PSMD8: variants seen among roughly 807,000 people sequenced by gnomAD.
PSMD8 encodes the protein proteasome 26S subunit, non-ATPase 8, also known as 26S proteasome non-ATPase regulatory subunit 8.
Under a neutral mutation model 40.0 loss-of-function variants are expected in PSMD8, and 30 were observed. The ratio of observed to expected loss-of-function variants is 0.75; its 90% CI spans 0.56 to 1.02. The LOEUF is 1.02. Ranked by LOEUF, PSMD8 falls within the 50% of genes least tolerant of loss-of-function variation. The pLI is 0.00. For synonymous variants in PSMD8, 208 were observed against 192.5 expected, an observed-to-expected ratio of 1.08 and a Z score of -0.67; for missense variants, 461 against 463.9, an observed-to-expected ratio of 0.99 and a Z score of 0.06.
At chr19:38,378,003 C>T (rs1970611155) in intron 3 of PSMD8, among the ~76,000 whole-genome samples, 1 of 152,184 alleles carries the variant, frequency 6.6e-6, no homozygotes, top group Admixed American at 6.5e-5. Flanking sequence ...TTGTTCTAAT[C>T]ACCTTACCTG....
intron 3 of PSMD8, among the ~76,000 whole-genome samples, chr19:38,377,365 A>AT (rs1458458394): frequency 2.0e-5 from 3 of 151,730 alleles, no homozygotes; most frequent in Non-Finnish European, 4.4e-5. Context: ...TTTTATTTTA[A>AT]TTTTTTGTAG....
chr19:38,377,212 A>G (rs1263562252), intron 3 of PSMD8, among the ~76,000 whole-genome samples: 2 of 152,196 alleles, frequency 1.3e-5, no homozygotes, highest in East Asian at 3.8e-4. Context: ...TTTTGGAGAC[A>G]GGGTCTTGCT....
Position 38,374,660 on chromosome 19 carries a change from G to A in PSMD8, c.59G>A (p.Arg20Gln), listed in dbSNP as rs888145013. 5 of 1,521,132 alleles carry A rather than the reference G, an allele frequency of 3.3e-6. No individual in the cohort carries two copies. Among genetic ancestry groups the A allele is most frequent in the East Asian group, 4.9e-5 (2 of 40,810 alleles). The allele number at this position is 1,521,132 out of a possible 1,614,324, so 94.2% of individuals were successfully genotyped here. A position where few individuals can be genotyped will look rare whatever the true frequency, so the allele number is the denominator to read the frequency against. ...CCTCGAGAGCGACGGCGGGCTACCCGGGGCGGGCTGAGGCAGGTTGTAGCC... is the reference window on the plus strand; with the variant it reads ...CCTCGAGAGCGACGGCGGGCTACCCAGGGCGGGCTGAGGCAGGTTGTAGCC... ...APPRERRRAT[R>Q]GGLRQVVAPP... Residue 20 changes from arginine to glutamine, a missense_variant, in exon 1 of 7, where the codon CGG becomes CAG. Physicochemically the swap from Arg to Gln is conservative, Grantham distance 43 (BLOSUM62 1). Coordinates refer to ENST00000215071, the MANE Select transcript of PSMD8 (RefSeq NM_002812.5).
intron 5 of PSMD8, 42 bp from the exon 6 acceptor site, chr19:38,382,075 T>C: frequency 6.9e-7 from 1 of 1,441,092 alleles, no homozygotes; most frequent in Non-Finnish European, 9.5e-7. Context: ...TCCTGGGAGG[T>C]TGTTGATGCT....
rs1970662955 is a variant in PSMD8, at chr19:38,383,663, T to C, written c.*273T>C. ...CCACTGTGGGGCCCCAGCAGCACTG[T>C]GGCCTGCAGGAGGGCATGGCCCCAG... On this transcript the variant is annotated 3_prime_UTR_variant, in exon 7 of 7. Transcript: ENST00000215071. The C allele has an allele frequency of 2.1e-6, 1 of 484,200 alleles. No homozygotes were observed. The highest frequency in any genetic ancestry group is 3.8e-6 in the Non-Finnish European group (1 of 265,206). 30.0% of individuals were successfully genotyped at this position (484,200 alleles called of 1,614,324 possible).
At chr19:38,380,723 T>TGTGTGTGTGCGCGCACGTGCGCGC (rs575195574) in intron 4 of PSMD8, among the ~76,000 whole-genome samples, 176 bp from the exon 5 acceptor site, 1 of 143,896 alleles carries the variant, frequency 6.9e-6, no homozygotes, top group East Asian at 2.2e-4. Context: ...TGTGTGTGTG[T>TGTGTGTGTGCGCGCACGTGCGCGC]GTGTGTGCGC....
intron 3 of PSMD8, among the ~76,000 whole-genome samples, chr19:38,378,507 CAAAAAAAAAA>C: frequency 1.4e-5 from 1 of 71,768 alleles, no homozygotes; most frequent in East Asian, 4.2e-4. Flanking sequence ...GACTCCGTCT[CAAAAAAAAAA>C]AAAAAAAAAT....
At position 38,383,501 on chromosome 19, in the gene PSMD8, C is replaced by A; in HGVS notation, c.*111C>A. On this transcript the variant is annotated 3_prime_UTR_variant, in exon 7 of 7. Coordinates refer to ENST00000215071, the MANE Select transcript of PSMD8 (RefSeq NM_002812.5). Reference sequence around the variant, plus strand: ...TTCCCTCTTCCAGGCCCTTGTCTCCCCAGTTGGGACGGCAGAGAGACAAGT... The same window carrying A: ...TTCCCTCTTCCAGGCCCTTGTCTCCACAGTTGGGACGGCAGAGAGACAAGT... The A allele has an allele frequency of 7.1e-7, 1 of 1,413,538 alleles. No individual in the cohort carries two copies. Among genetic ancestry groups the A allele is most frequent in the East Asian group, 2.4e-5 (1 of 41,504 alleles). The allele number at this position is 1,413,538 out of a possible 1,614,324, so 87.6% of individuals were successfully genotyped here. A position where few individuals can be genotyped will look rare whatever the true frequency, so the allele number is the denominator to read the frequency against.
rs747599408 is a variant in PSMD8 at position 38,374,783 on chromosome 19, C to T, written c.182C>T (p.Ser61Leu). ...AAATCAGGCGGTCTGCTTGCCGCAT[C>T]ACGCAAGATGGCGGCCGCGGCGGTG... is the stretch of plus-strand genomic sequence containing the variant. ...CRKSGGLLAA[S>L]RKMAAAAVNG... Residue 61 changes from serine (S) to leucine (L), a missense_variant, in exon 1 of 7, where the codon TCA (serine) becomes TTA (leucine). Ser to Leu is a moderately radical substitution (Grantham distance 145). This residue lies in a region of PSMD8 where 225 missense variants were observed against 142.7 expected (regional missense o/e 1.58). Transcript: ENST00000215071. 1.9e-5 allele frequency: 30 copies of T among 1,572,076 alleles called. No individual in the cohort carries two copies. Among genetic ancestry groups the T allele is most frequent in the Non-Finnish European group, 2.5e-5 (29 of 1,164,378 alleles).
chr19:38,383,129 G>A (rs752960650), intron 6 of PSMD8, 124 bp from the exon 7 acceptor site: 33 of 1,288,726 alleles, frequency 2.6e-5, no homozygotes, highest in Non-Finnish European at 3.2e-5. Flanking sequence ...GTCAAGGGTC[G>A]TTGGGCAGAG....
chr19:38,383,576 T>G lies in PSMD8; in HGVS notation c.*186T>G. ...TTTTGGGGCATTCAGGAGTTGGAGATAGCCTCCAACTGGGTCAGCCTCTGT... is the reference window on the plus strand; with the variant it reads ...TTTTGGGGCATTCAGGAGTTGGAGAGAGCCTCCAACTGGGTCAGCCTCTGT... On this transcript the variant is annotated 3_prime_UTR_variant, in exon 7 of 7. Coordinates refer to ENST00000215071, the MANE Select transcript of PSMD8 (RefSeq NM_002812.5). 2.7e-6 allele frequency: 2 copies of G among 754,496 alleles called. No homozygotes were observed. The highest frequency in any genetic ancestry group is 2.1e-6 in the Non-Finnish European group (1 of 476,628). 46.7% of individuals were successfully genotyped at this position (754,496 alleles called of 1,614,324 possible). A position where few individuals can be genotyped will look rare whatever the true frequency, so the allele number is the denominator to read the frequency against.
At position 38,379,193 on chromosome 19, in the gene PSMD8, A is replaced by G. The variant is rs548036392; in HGVS notation, c.537-47A>G. 9.7e-5 allele frequency: 153 copies of G among 1,584,536 alleles called. No individual in the cohort carries two copies. The South Asian group carries it at 1.6e-3, about 16-fold the overall frequency. ...TGGAGCCTGGGGTAGAGGGCTCGCTAGGCCCTTAAATCCTCCTTAACCTGC... is the reference window on the plus strand; with the variant it reads ...TGGAGCCTGGGGTAGAGGGCTCGCTGGGCCCTTAAATCCTCCTTAACCTGC... On this transcript the variant is annotated intron_variant, in intron 3 of 6. Transcript: ENST00000215071.
At chr19:38,378,830 G>A (rs1416023461) in intron 3 of PSMD8, among the ~76,000 whole-genome samples, 1 of 152,130 alleles carries the variant, frequency 6.6e-6, no homozygotes, top group East Asian at 1.9e-4. Flanking sequence ...GCATGTGCCT[G>A]TAGTCCCAGC....
At chr19:38,375,374 A>C (rs998573195) in intron 1 of PSMD8, 5 of 204,848 alleles carry the variant, frequency 2.4e-5, no homozygotes, top group Non-Finnish European at 4.1e-5. Context: ...GTGAGGGGTT[A>C]GATTTTTGGT....
At chr19:38,380,207 AC>A (rs1353308704) in intron 4 of PSMD8, among the ~76,000 whole-genome samples, 2 of 152,210 alleles carry the variant, frequency 1.3e-5, no homozygotes, top group East Asian at 3.9e-4. Flanking sequence ...AATCACTTGA[AC>A]CCAGGAGGTG....
chr19:38,376,476 A>C (rs923003928), intron 3 of PSMD8, 22 bp downstream of exon 3: 2 of 1,525,738 alleles, frequency 1.3e-6, no homozygotes, highest in Admixed American at 3.9e-5. Flanking sequence ...CCCTGCCCCC[A>C]ACTGGGGGGG....
rs777486084 is a variant in PSMD8 at position 38,374,835 on chromosome 19, C to A, written c.234C>A (p.Ser78=). 3.2e-6 allele frequency: 5 copies of A among 1,576,226 alleles called. No individual in the cohort carries two copies. The highest frequency in any genetic ancestry group is 1.1e-5 in the South Asian group (1 of 87,706). The change falls in exon 1 of 7, where the codon TCC becomes TCA. Residue 78 remains serine, a synonymous_variant. Transcript: ENST00000215071. ...AVNGAAGFSS[S]GPAATSGAVL... ...ACGGGGCGGCAGGCTTCTCGAGCTC[C>A]GGGCCCGCGGCAACCTCGGGCGCTG... is the stretch of plus-strand genomic sequence containing the variant.
At chr19:38,379,089 T>C (rs1299531383) in intron 3 of PSMD8, 151 bp from the exon 4 acceptor site, 2 of 742,610 alleles carry the variant, frequency 2.7e-6, no homozygotes, top group East Asian at 5.4e-5. Flanking sequence ...TCATGCATCT[T>C]TGGGACACAG....
intron 5 of PSMD8, 31 bp downstream of exon 5, chr19:38,381,030 T>C: frequency 4.0e-6 from 6 of 1,489,058 alleles, no homozygotes; most frequent in Non-Finnish European, 4.5e-6. Flanking sequence ...CTGTGGAGTT[T>C]GGAAAGAACT....
Sources: allele counts gnomAD v4.1 joint callset (sites outside exome capture counted in the v4.1 genomes callset), GRCh38; gene constraint gnomAD v4.1.1; regional missense constraint gnomAD v4.1.1; transcripts MANE v1.5; gene names NCBI Gene and HGNC (gene_info 2026-07-23, HGNC 2026-07-21).